EYS: variants seen among roughly 807,000 people sequenced by gnomAD.
EYS encodes EGF-like photoreceptor maintenance factor.
Under a neutral mutation model 282.1 loss-of-function variants are expected in EYS, and 250 were observed. The ratio of observed to expected loss-of-function variants is 0.89; its 90% CI spans 0.80 to 0.98. The LOEUF is 0.98. Among genes scored for constraint, EYS ranks in the 50% least tolerant of loss-of-function variants. The probability of loss-of-function intolerance (pLI) is 0.00; values close to 1 mark genes in which losing one functional copy is unlikely to be tolerated. For missense variants in EYS, 4,016 were observed against 3,709.0 expected (o/e 1.08, Z -2.15); for synonymous variants, 1,355 against 1,282.9 (o/e 1.06, Z -1.20).
At chr6:64,178,721 C>G (rs753782886) in intron 31 of EYS, among the ~76,000 whole-genome samples, 1 of 151,936 alleles carries the variant, frequency 6.6e-6, no homozygotes, top group Non-Finnish European at 1.5e-5. Flanking sequence ...TTAAAAAGCA[C>G]TTTAAACGCA....
intron 35 of EYS, among the ~76,000 whole-genome samples, chr6:63,875,850 ATTCTT>A (rs1367714545): frequency 6.6e-6 from 1 of 150,880 alleles, no homozygotes; most frequent in Non-Finnish European, 1.5e-5. Flanking sequence ...TGTCTATTTG[ATTCTT>A]CTCTCTTTTC....
At chr6:65,285,904 A>G (rs1768349329) in intron 12 of EYS, among the ~76,000 whole-genome samples, 1 of 151,880 alleles carries the variant, frequency 6.6e-6, no homozygotes, top group Non-Finnish European at 1.5e-5. Context: ...AACTTTTATC[A>G]GTATTCTGGA....
chr6:64,743,922 C>T (rs1209008353), intron 22 of EYS, among the ~76,000 whole-genome samples: 1 of 152,086 alleles, frequency 6.6e-6, no homozygotes, highest in African/African-American at 2.4e-5. Flanking sequence ...GTGATTGTTA[C>T]ATTACTCTAA....
rs778141435 is a variant in EYS at position 65,015,757 on chromosome 6, G to A, written c.2138-18054C>T. Among the ~76,000 whole-genome samples, 35 of 151,032 alleles carry A rather than the reference G, an allele frequency of 2.3e-4. 1 individual carries two copies. The highest frequency in any genetic ancestry group is 1.2e-4 in the Non-Finnish European group (8 of 67,824). Reference sequence around the variant, plus strand: ...AGGTTCCCACTGAAATTGTACCACCGGGTGCAGTGGCTCACATCTGTAATC... The same window carrying A: ...AGGTTCCCACTGAAATTGTACCACCAGGTGCAGTGGCTCACATCTGTAATC... On this transcript the variant is annotated intron_variant, in intron 13 of 42. Transcript: ENST00000503581.
Position 64,981,627 on chromosome 6 carries a change from A to T in EYS, c.2259+15955T>A, listed in dbSNP as rs574269576. Among the ~76,000 whole-genome samples, 3 of 151,534 alleles carry T rather than the reference A, an allele frequency of 2.0e-5. No individual in the cohort carries two copies. In the South Asian group the frequency reaches 6.2e-4, roughly 31 times the overall value. On this transcript the variant is annotated intron_variant, in intron 14 of 42. Coordinates refer to ENST00000503581, the MANE Select transcript of EYS (RefSeq NM_001142800.2). ...ATTTCCTCAAAATTATAGATCCTGT[A>T]CATGGTTGAGCCATAATTTGCATAC...
At chr6:64,296,563 TATATATATATATATATATATACA>T (rs1769005051) in intron 30 of EYS, among the ~76,000 whole-genome samples, 2 of 6,956 alleles carry the variant, frequency 2.9e-4, no homozygotes, top group African/African-American at 1.1e-3. Context: ...TATATATATA[TATATATATATATATATATATACA>T]TATATATATA....
chr6:65,061,464 A>T (rs563766637), intron 12 of EYS, among the ~76,000 whole-genome samples: 1 of 151,992 alleles, frequency 6.6e-6, no homozygotes, highest in South Asian at 2.1e-4. Flanking sequence ...CACTCCACAC[A>T]TGCGTAATCT....
chr6:64,388,945 A>G (rs921605737), intron 28 of EYS, 105 bp from the exon 29 acceptor site: 2 of 779,650 alleles, frequency 2.6e-6, no homozygotes, highest in African/African-American at 3.7e-5. Context: ...TAAATAGATT[A>G]TTTCACAATA....
At chr6:64,018,776 T>TG (rs1562153754) in intron 33 of EYS, among the ~76,000 whole-genome samples, 6 of 129,862 alleles carry the variant, frequency 4.6e-5, no homozygotes, top group African/African-American at 1.4e-4. Flanking sequence ...TTTTTTTTTT[T>TG]TTTTTTTTTT....
intron 37 of EYS, among the ~76,000 whole-genome samples, chr6:63,803,404 T>C (rs950233472): frequency 1.2e-4 from 19 of 152,130 alleles, no homozygotes; most frequent in Admixed American, 1.2e-3. Context: ...GAGAGAAGCT[T>C]TGTGGGTGAT....
intron 31 of EYS, among the ~76,000 whole-genome samples, chr6:64,151,327 A>ATATATATATATATT (rs1362843728): frequency 4.1e-4 from 35 of 86,248 alleles, no homozygotes; most frequent in African/African-American, 2.1e-3. Context: ...TTATATATAT[A>ATATATATATATATT]TATATATATA....
At chr6:65,230,880 T>C (rs1051592131) in intron 12 of EYS, among the ~76,000 whole-genome samples, 2 of 151,300 alleles carry the variant, frequency 1.3e-5, no homozygotes, top group Non-Finnish European at 3.0e-5. Context: ...CTCTTAATTG[T>C]ACAGGTGAAG....
chr6:64,081,658 T>C (rs1180827442), intron 32 of EYS, among the ~76,000 whole-genome samples, 198 bp downstream of exon 32: 1 of 152,210 alleles, frequency 6.6e-6, no homozygotes, highest in East Asian at 1.9e-4. Flanking sequence ...ATCCTGTTTG[T>C]AAGTCACGTT....
chr6:64,830,379 A>C (rs1765179439), intron 19 of EYS, among the ~76,000 whole-genome samples: 1 of 152,016 alleles, frequency 6.6e-6, no homozygotes, highest in Admixed American at 6.6e-5. Flanking sequence ...GAAGTAGGAC[A>C]CTGTTATAAA....
At chr6:63,817,827 G>A (rs983253741) in intron 36 of EYS, among the ~76,000 whole-genome samples, 1 of 152,148 alleles carries the variant, frequency 6.6e-6, no homozygotes, top group African/African-American at 2.4e-5. Flanking sequence ...TCTTTATCTG[G>A]TGTGGTGATG....
intron 12 of EYS, among the ~76,000 whole-genome samples, chr6:65,240,419 C>T (rs544149350): frequency 1.3e-5 from 2 of 152,252 alleles, no homozygotes; most frequent in African/African-American, 4.8e-5. Context: ...TTTTTCAGCA[C>T]TTGCCCACCT....
rs569298213 is a variant in EYS, at chr6:65,443,340, A to G, written c.863-37973T>C. 3.7e-4 allele frequency among the ~76,000 whole-genome samples: 52 copies of G among 142,076 alleles called. 10 individuals are homozygous for G. The East Asian group carries it at 0.011, about 30-fold the overall frequency. 93.2% of individuals were successfully genotyped at this position (142,076 alleles called of 152,430 possible). A position where few individuals can be genotyped will look rare whatever the true frequency, so the allele number is the denominator to read the frequency against. ...TAGACATATATGCATACATGTATGT[A>G]CACATATAGACATATATGCATACAT... On this transcript the variant is annotated intron_variant, in intron 5 of 42. Transcript: ENST00000503581.
At chr6:65,577,574 G>T (rs1243208246) in intron 2 of EYS, among the ~76,000 whole-genome samples, 3 of 151,722 alleles carry the variant, frequency 2.0e-5, no homozygotes, top group Admixed American at 6.6e-5. Flanking sequence ...AATAGACAAA[G>T]TTGATTACAT....
chr6:64,237,880 G>A (rs372690707), intron 30 of EYS, among the ~76,000 whole-genome samples: 4 of 152,164 alleles, frequency 2.6e-5, no homozygotes, highest in South Asian at 2.1e-4. Flanking sequence ...ATTACTGTTA[G>A]TACATGAAAA....
Sources: allele counts gnomAD v4.1 joint callset (sites outside exome capture counted in the v4.1 genomes callset), GRCh38; gene constraint gnomAD v4.1.1; transcripts MANE v1.5; gene names NCBI Gene and HGNC (gene_info 2026-07-23, HGNC 2026-07-21).